The following PIP5K1B variants were observed in gnomAD, a reference collection of about 807,000 sequenced individuals.
The protein encoded by PIP5K1B is phosphatidylinositol-4-phosphate 5-kinase type 1 beta, also known as phosphatidylinositol 4-phosphate 5-kinase type-1 beta.
PIP5K1B carries 42 observed loss-of-function variants against 67.0 expected under a neutral mutation model. The observed-to-expected ratio is 0.63, with a 90% CI of 0.49 to 0.81. The LOEUF is 0.81. Ranked by LOEUF, PIP5K1B falls within the 30% of genes least tolerant of loss-of-function variation. The probability of loss-of-function intolerance (pLI) is 0.00; values close to 1 mark genes in which losing one functional copy is unlikely to be tolerated. For synonymous variants in PIP5K1B, 214 were observed against 231.4 expected, an observed-to-expected ratio of 0.92 and a Z score of 0.68; for missense variants, 459 against 646.3, an observed-to-expected ratio of 0.71 and a Z score of 3.14.
chr9:68,863,267 A>C (rs1823192744), intron 4 of PIP5K1B, among the ~76,000 whole-genome samples: 1 of 152,236 alleles, frequency 6.6e-6, no homozygotes, highest in African/African-American at 2.4e-5. Context: ...CCATGTATGT[A>C]GCACTACATT....
At chr9:68,895,096 G>A (rs1825011814) in intron 8 of PIP5K1B, among the ~76,000 whole-genome samples, 1 of 151,976 alleles carries the variant, frequency 6.6e-6, no homozygotes, top group African/African-American at 2.4e-5. Context: ...AGATCAGTGT[G>A]GATGCAAAAC....
At chr9:68,949,021 G>T (rs1034135578) in intron 14 of PIP5K1B, among the ~76,000 whole-genome samples, 11 of 151,472 alleles carry the variant, frequency 7.3e-5, no homozygotes, top group African/African-American at 2.7e-4. Context: ...TTTTTAAATC[G>T]ATTTAGTTTA....
chr9:68,826,206 T>G (rs1261907652), intron 4 of PIP5K1B, among the ~76,000 whole-genome samples: 2 of 152,204 alleles, frequency 1.3e-5, no homozygotes, highest in African/African-American at 4.8e-5. Context: ...GTGGAGTATT[T>G]CCATTATCAG....
intron 4 of PIP5K1B, among the ~76,000 whole-genome samples, chr9:68,840,122 A>G (rs979803085): frequency 1.3e-5 from 2 of 152,224 alleles, no homozygotes; most frequent in African/African-American, 2.4e-5. Context: ...CATGCCTGTA[A>G]TCCCAGCACG....
At chr9:68,890,154 C>G (rs772487188) in intron 7 of PIP5K1B, among the ~76,000 whole-genome samples, 3 of 152,316 alleles carry the variant, frequency 2.0e-5, no homozygotes, top group Admixed American at 2.0e-4. Flanking sequence ...ATTAGCTGTT[C>G]TCAGCTACTA....
intron 15 of PIP5K1B, among the ~76,000 whole-genome samples, chr9:69,002,630 AGAG>A (rs761117034): frequency 2.6e-5 from 4 of 151,876 alleles, no homozygotes; most frequent in Non-Finnish European, 4.4e-5. Context: ...TTTAAAAAAA[AGAG>A]AGAGAGAGAG....
intron 14 of PIP5K1B, chr9:68,965,590 A>G (rs1444432278): frequency 1.3e-5 from 2 of 152,350 alleles, no homozygotes; most frequent in East Asian, 3.9e-4. Flanking sequence ...GTGTTTAAGG[A>G]TGAGAAGGTT....
chr9:68,803,722 C>T (rs1832724298), intron 2 of PIP5K1B, among the ~76,000 whole-genome samples: 1 of 152,190 alleles, frequency 6.6e-6, no homozygotes. Context: ...GTTTGTTTAA[C>T]TGGGAACATT....
chr9:68,969,123 C>G (rs987427084), intron 14 of PIP5K1B, among the ~76,000 whole-genome samples: 1 of 152,042 alleles, frequency 6.6e-6, no homozygotes, highest in Non-Finnish European at 1.5e-5. Context: ...AATCCCAGCA[C>G]TTTGGGAGGC....
At chr9:68,724,789 A>G (rs1828074019) in intron 1 of PIP5K1B, among the ~76,000 whole-genome samples, 1 of 152,136 alleles carries the variant, frequency 6.6e-6, no homozygotes, top group African/African-American at 2.4e-5. Context: ...GTAACCCTTG[A>G]AAGTGGGTAT....
chr9:68,863,986 G>A lies in PIP5K1B; in HGVS notation c.200+19G>A. 6.2e-7 allele frequency: 1 copy of A among 1,612,110 alleles called. No individual in the cohort carries two copies. The highest frequency in any genetic ancestry group is 8.5e-7 in the Non-Finnish European group (1 of 1,178,812). On this transcript the variant is annotated intron_variant, in intron 5 of 15. Transcript: ENST00000265382. ...TACCCAGGTAAGAACATTTTTATTT[G>A]TGATGATTTCCATGCTAAGGAACCT...
chr9:69,008,581 C>T lies in PIP5K1B; in HGVS notation c.*132C>T, dbSNP rs1831194276. The T allele has an allele frequency of 1.1e-6, 1 of 870,024 alleles. No individual in the cohort carries two copies. The highest frequency in any genetic ancestry group is 2.5e-5 in the East Asian group (1 of 40,034). 53.9% of individuals were successfully genotyped at this position (870,024 alleles called of 1,614,324 possible). A position where few individuals can be genotyped will look rare whatever the true frequency, so the allele number is the denominator to read the frequency against. ...ACACACAGAGAAATCATCAACCTGA[C>T]TTAAGAGTTTTCAAGATGTCAACTT... On this transcript the variant is annotated 3_prime_UTR_variant, in exon 16 of 16. Coordinates refer to ENST00000265382, the MANE Select transcript of PIP5K1B (RefSeq NM_003558.4).
At chr9:68,939,877 T>A (rs1456647544) in intron 13 of PIP5K1B, among the ~76,000 whole-genome samples, 1 of 152,206 alleles carries the variant, frequency 6.6e-6, no homozygotes, top group East Asian at 1.9e-4. Context: ...AAAGTTATAA[T>A]TGTATTTATT....
intron 14 of PIP5K1B, among the ~76,000 whole-genome samples, chr9:68,965,973 C>CAA (rs1198036806): frequency 1.9e-4 from 13 of 67,000 alleles, no homozygotes; most frequent in Middle Eastern, 7.8e-3. Flanking sequence ...GACTCCATCT[C>CAA]AAAAAAAAAA....
At chr9:68,895,625 T>C (rs1333042934) in intron 8 of PIP5K1B, among the ~76,000 whole-genome samples, 1 of 26,306 alleles carries the variant, frequency 3.8e-5, no homozygotes, top group Non-Finnish European at 9.0e-5. Context: ...GTCTACTGTT[T>C]CTGTTTTTTT....
intron 14 of PIP5K1B, among the ~76,000 whole-genome samples, chr9:68,988,004 C>T (rs1420253168): frequency 6.6e-6 from 1 of 152,180 alleles, no homozygotes; most frequent in Non-Finnish European, 1.5e-5. Flanking sequence ...TATCATTTTA[C>T]ATTTCCTGAT....
chr9:68,985,254 C>CT (rs749017407), intron 14 of PIP5K1B, among the ~76,000 whole-genome samples: 394 of 140,270 alleles, frequency 2.8e-3, no homozygotes, highest in Middle Eastern at 7.4e-3. Context: ...ATCTCTTCTT[C>CT]TTTTTTTTTT....
chr9:68,711,177 T>C (rs1827374186), intron 1 of PIP5K1B, among the ~76,000 whole-genome samples: 1 of 152,242 alleles, frequency 6.6e-6, no homozygotes, highest in Non-Finnish European at 1.5e-5. Flanking sequence ...GCCATAAAAA[T>C]GTGCTTTCCT....
intron 14 of PIP5K1B, among the ~76,000 whole-genome samples, chr9:68,949,336 G>A (rs938286392): frequency 1.3e-5 from 2 of 152,152 alleles, no homozygotes; most frequent in African/African-American, 4.8e-5. Context: ...TAGAAATGGA[G>A]CCCTGAAGTC....
Sources: allele counts gnomAD v4.1 joint callset (sites outside exome capture counted in the v4.1 genomes callset), GRCh38; gene constraint gnomAD v4.1.1; transcripts MANE v1.5; gene names NCBI Gene and HGNC (gene_info 2026-07-23, HGNC 2026-07-21).